Variants in MYH15 observed in about 807,000 individuals in gnomAD.
MYH15 encodes myosin-15.
Under a neutral mutation model 240.5 loss-of-function variants are expected in MYH15, and 227 were observed. That is an observed-to-expected ratio of 0.94 (90% CI 0.85 to 1.05). The LOEUF is 1.05. Among genes scored for constraint, MYH15 ranks in the 50% least tolerant of loss-of-function variants. MYH15 has a pLI of 0.00. For synonymous variants in MYH15, 785 were observed against 796.7 expected, an observed-to-expected ratio of 0.99 and a Z score of 0.25; for missense variants, 2,217 against 2,247.5, an observed-to-expected ratio of 0.99 and a Z score of 0.27.
intron 27 of MYH15, 93 bp downstream of exon 27, chr3:108,428,399 A>C (rs2082743685): frequency 7.1e-7 from 1 of 1,411,630 alleles, no homozygotes; most frequent in African/African-American, 1.4e-5. Context: ...TGAGTCACTA[A>C]GCTGGCTTAT....
chr3:108,412,081 G>A (rs1347544916), intron 30 of MYH15, among the ~76,000 whole-genome samples: 1 of 152,224 alleles, frequency 6.6e-6, no homozygotes, highest in Non-Finnish European at 1.5e-5. Flanking sequence ...GATAAAATAG[G>A]AGTTTCACTT....
intron 25 of MYH15, among the ~76,000 whole-genome samples, chr3:108,432,213 C>T (rs2082784735): frequency 6.6e-6 from 1 of 152,066 alleles, no homozygotes; most frequent in Non-Finnish European, 1.5e-5. Context: ...CTCATGCTGC[C>T]CTGCCCAGCA....
intron 27 of MYH15, among the ~76,000 whole-genome samples, chr3:108,424,925 T>G (rs555099140): frequency 6.6e-6 from 1 of 152,342 alleles, no homozygotes; most frequent in Non-Finnish European, 1.5e-5. Flanking sequence ...TCACTGAATC[T>G]ATGAGCTCCA....
At position 108,455,843 on chromosome 3, in the gene MYH15, G is replaced by C. The variant is rs1347895796; in HGVS notation, c.2155C>G (p.Pro719Ala). 1 of 1,612,380 alleles carries C rather than the reference G, an allele frequency of 6.2e-7. No individual in the cohort carries two copies. The highest frequency in any genetic ancestry group is 2.2e-5 in the East Asian group (1 of 44,852). The change falls in exon 20 of 41, where the codon CCA becomes GCA. Residue 719 changes from proline to alanine, a missense_variant. Pro to Ala is a conservative substitution (Grantham distance 27). Coordinates refer to ENST00000693548, the MANE Select transcript of MYH15 (RefSeq NM_014981.3). ...AACTTGCTCTTTGGAAAGGTCCTTG[G>C]ATTCAGAATGCAGTACCTAATTTAA... Reference protein sequence around the residue: ...DFKQRYCILNPRTFPKSKFVS... With the variant: ...DFKQRYCILNARTFPKSKFVS...
At position 108,408,381 on chromosome 3, in the gene MYH15, G is replaced by A. The variant is rs753287606; in HGVS notation, c.4519C>T (p.Gln1507Ter). The stretch of plus-strand genomic sequence containing the variant: ...AAGTTCTTGGTCCCTTCTCTAACCT[G>A]GTTTGTCAGATTAGAAATCTCTTCT... ...LQEEISNLTN[Q>*]VREGTKNLTE... The change falls in exon 32 of 41, where the codon CAG (glutamine) becomes TAG (stop). Residue 1507 changes from glutamine (Q) to a stop codon, truncating the protein, a stop_gained. Coordinates refer to ENST00000693548, the MANE Select transcript of MYH15 (RefSeq NM_014981.3). LOFTEE classifies it high-confidence loss of function. 6.2e-7 allele frequency: 1 copy of A among 1,610,938 alleles called. No individual in the cohort carries two copies. The highest frequency in any genetic ancestry group is 1.3e-5 in the African/African-American group (1 of 74,772).
intron 20 of MYH15, 151 bp downstream of exon 20, chr3:108,455,585 G>A (rs1037317078): frequency 6.1e-5 from 55 of 897,070 alleles, no homozygotes; most frequent in African/African-American, 9.9e-5. Context: ...AAACAGCACC[G>A]AAGTTTTCAC....
At chr3:108,441,546 T>C (rs193041454) in intron 22 of MYH15, among the ~76,000 whole-genome samples, 2 of 152,306 alleles carry the variant, frequency 1.3e-5, no homozygotes, top group East Asian at 1.9e-4. Context: ...CTAAAGGAGC[T>C]AGCATGCCTC....
intron 25 of MYH15, among the ~76,000 whole-genome samples, chr3:108,432,737 C>T (rs1372626821): frequency 6.6e-6 from 1 of 152,174 alleles, no homozygotes. Flanking sequence ...GGTGCAAGCC[C>T]CAAGCCTTGG....
chr3:108,402,916 G>A (rs2082517143), intron 33 of MYH15, among the ~76,000 whole-genome samples: 1 of 152,220 alleles, frequency 6.6e-6, no homozygotes, highest in South Asian at 2.1e-4. Flanking sequence ...AAGATGGGAA[G>A]ATCAAAGCCA....
At chr3:108,469,908 A>C (rs11917965) in intron 14 of MYH15, 134 bp downstream of exon 14, 267,695 of 784,932 alleles carry the variant, frequency 0.34, 49,427 homozygotes, top group Non-Finnish European at 0.38. Context: ...AAACACCATT[A>C]AGATAAAATG....
chr3:108,394,763 C>G (rs1225691698), intron 35 of MYH15, among the ~76,000 whole-genome samples: 1 of 152,118 alleles, frequency 6.6e-6, no homozygotes, highest in Admixed American at 6.5e-5. Flanking sequence ...TCTTTCCTTC[C>G]TGAGTTGTGA....
At chr3:108,454,558 G>T (rs1560383038) in intron 20 of MYH15, among the ~76,000 whole-genome samples, 5 of 152,112 alleles carry the variant, frequency 3.3e-5, no homozygotes, top group South Asian at 4.2e-4. Context: ...ATCTCTGTAG[G>T]ATATTCTTGT....
At chr3:108,455,025 T>C (rs1461524884) in intron 20 of MYH15, among the ~76,000 whole-genome samples, 1 of 152,216 alleles carries the variant, frequency 6.6e-6, no homozygotes, top group African/African-American at 2.4e-5. Flanking sequence ...TCTCAGGTAC[T>C]CAAAATATGG....
rs1365452515 is a variant in MYH15 at position 108,439,844 on chromosome 3, C to A, written c.2968G>T (p.Val990Phe). 1.9e-6 allele frequency: 3 copies of A among 1,613,134 alleles called. No individual in the cohort carries two copies. The highest frequency in any genetic ancestry group is 1.1e-5 in the South Asian group (1 of 90,902). Reference sequence around the variant, plus strand: ...GTCTGCTGATGGGCCTCCTGCACAACCTTGGCTGCTCTGTTAAGTTTGCTG... The same window carrying A: ...GTCTGCTGATGGGCCTCCTGCACAAACTTGGCTGCTCTGTTAAGTTTGCTG... ...DISKLNRAAK[V>F]VQEAHQQTLD... The change falls in exon 24 of 41, where the codon GTT (valine) becomes TTT (phenylalanine). Residue 990 changes from valine (V) to phenylalanine (F), a missense_variant. By Grantham distance (50) the Val-to-Phe change is conservative (BLOSUM62 -1). Coordinates refer to ENST00000693548, the MANE Select transcript of MYH15 (RefSeq NM_014981.3).
Position 108,399,253 on chromosome 3 carries a change from C to T in MYH15, c.4751G>A (p.Cys1584Tyr). Reference sequence around the variant, plus strand: ...ACTAGACTGCAGGGAGTCAATGGTACACTGCTGCTTCCTCCTAATTTGAAA... The same window carrying T: ...ACTAGACTGCAGGGAGTCAATGGTATACTGCTGCTTCCTCCTAATTTGAAA... ...EIENFRRKQQCTIDSLQSSLD... is the reference protein window; with the variant it reads ...EIENFRRKQQYTIDSLQSSLD... The change falls in exon 34 of 41, where the codon TGT becomes TAT. Residue 1584 changes from cysteine (C) to tyrosine (Y), a missense_variant. By Grantham distance (194) the Cys-to-Tyr change is radical (BLOSUM62 -2). Coordinates refer to ENST00000693548, the MANE Select transcript of MYH15 (RefSeq NM_014981.3). 2 of 1,612,960 alleles carry T rather than the reference C, an allele frequency of 1.2e-6. No individual in the cohort carries two copies. Among genetic ancestry groups the T allele is most frequent in the Non-Finnish European group, 1.7e-6 (2 of 1,179,240 alleles).
intron 36 of MYH15, among the ~76,000 whole-genome samples, chr3:108,392,990 C>T (rs948083362): frequency 3.3e-5 from 5 of 152,060 alleles, no homozygotes; most frequent in African/African-American, 1.2e-4. Context: ...GCATGGTTGC[C>T]CATTCTTAGA....
chr3:108,489,750 G>A (rs897035407), intron 9 of MYH15, among the ~76,000 whole-genome samples: 1 of 152,140 alleles, frequency 6.6e-6, no homozygotes, highest in African/African-American at 2.4e-5. Context: ...ATGCCCTCTT[G>A]TATTAAGCCT....
rs778054496 is a variant in MYH15 at position 108,439,850 on chromosome 3, C to A, written c.2962G>T (p.Ala988Ser). Residue 988 changes from alanine to serine, a missense_variant, in exon 24 of 41, where the codon GCC becomes TCC. By Grantham distance (99) the Ala-to-Ser change is moderately conservative. Transcript: ENST00000693548. ...NEDISKLNRAAKVVQEAHQQT... is the reference protein window; with the variant it reads ...NEDISKLNRASKVVQEAHQQT... The stretch of plus-strand genomic sequence containing the variant: ...TGATGGGCCTCCTGCACAACCTTGG[C>A]TGCTCTGTTAAGTTTGCTGATATCC... The A allele has an allele frequency of 1.7e-5, 27 of 1,612,940 alleles. No homozygotes were observed. The East Asian group carries it at 5.8e-4, about 35-fold the overall frequency.
chr3:108,518,802 T>C (rs1559675512), intron 1 of MYH15, among the ~76,000 whole-genome samples: 1 of 152,250 alleles, frequency 6.6e-6, no homozygotes, highest in East Asian at 1.9e-4. Flanking sequence ...AGGTATTCTC[T>C]AGGTTCGTTC....
Sources: gnomAD v4.1 joint callset for allele counts (sites outside exome capture counted in the v4.1 genomes callset) on GRCh38, gnomAD v4.1.1 for gene constraint, MANE v1.5 for transcripts, NCBI Gene and HGNC (gene_info 2026-07-23, HGNC 2026-07-21) for gene names.